NCAM2: variants seen among roughly 807,000 people sequenced by gnomAD.
NCAM2 encodes neural cell adhesion molecule 2.
A neutral mutation model predicts 98.1 loss-of-function variants in NCAM2; 30 were observed. The ratio of observed to expected loss-of-function variants is 0.31; its 90% confidence interval spans 0.23 to 0.41. The LOEUF (loss-of-function observed/expected upper bound fraction) is 0.41, where lower values mean the gene tolerates loss of function less well. Among genes scored for constraint, NCAM2 ranks in the 10% least tolerant of loss-of-function variants. NCAM2 has a pLI of 1.00. For missense variants in NCAM2, 867 were observed against 1,005.8 expected (o/e 0.86, Z 1.87); for synonymous variants, 368 against 342.4 (o/e 1.07, Z -0.83).
chr21:21,074,422 A>T (rs1408189563), intron 1 of NCAM2, among the ~76,000 whole-genome samples: 1 of 151,998 alleles, frequency 6.6e-6, no homozygotes, highest in African/African-American at 2.4e-5. Context: ...TTTATTTTAC[A>T]TTAATTACAT....
chr21:21,091,530 A>G (rs921052293), intron 1 of NCAM2, among the ~76,000 whole-genome samples: 6 of 152,146 alleles, frequency 3.9e-5, no homozygotes, highest in African/African-American at 1.4e-4. Context: ...GCAATTCACA[A>G]AAAAGGTTTA....
chr21:21,413,559 T>C (rs2145931374), intron 10 of NCAM2, among the ~76,000 whole-genome samples: 1 of 152,292 alleles, frequency 6.6e-6, no homozygotes, highest in Middle Eastern at 3.4e-3. Context: ...AGTAAATATC[T>C]CTATAAAGCC....
In NCAM2 at chr21:21,261,905, AT is replaced by A. The variant is rs542201020; in HGVS notation, c.56-18671del. The stretch of plus-strand genomic sequence containing the variant: ...CTGAGACCAAAAAATCATACAAAGA[AT>A]TAATGAAATAAAAAGTTAATTATTT... On this transcript the variant is annotated intron_variant, in intron 1 of 17. Transcript: ENST00000400546. Among the ~76,000 whole-genome samples, 706 of 152,260 alleles carry A rather than the reference AT, an allele frequency of 4.6e-3. 1 individual carries two copies. Among genetic ancestry groups the A allele is most frequent in the Admixed American group, 0.011 (163 of 15,282 alleles).
intron 1 of NCAM2, among the ~76,000 whole-genome samples, chr21:21,093,613 G>A (rs1301528762): frequency 6.6e-6 from 1 of 151,934 alleles, no homozygotes; most frequent in Non-Finnish European, 1.5e-5. Flanking sequence ...CCTTGTAACT[G>A]TCCACATCCA....
At chr21:21,225,566 T>C (rs1257328714) in intron 1 of NCAM2, among the ~76,000 whole-genome samples, 6 of 152,104 alleles carry the variant, frequency 3.9e-5, no homozygotes, top group African/African-American at 1.4e-4. Context: ...AAATAACTTA[T>C]TACAGGGGTC....
chr21:21,329,637 G>A (rs1210610482), intron 6 of NCAM2, among the ~76,000 whole-genome samples: 1 of 152,068 alleles, frequency 6.6e-6, no homozygotes, highest in Non-Finnish European at 1.5e-5. Context: ...TCATTTTCTT[G>A]TTCTTGACTT....
chr21:21,276,835 T>C (rs1312982629), intron 1 of NCAM2, among the ~76,000 whole-genome samples: 1 of 152,094 alleles, frequency 6.6e-6, no homozygotes, highest in Non-Finnish European at 1.5e-5. Flanking sequence ...TTGTGCCCAT[T>C]CACCAAAATG....
chr21:21,206,147 G>T (rs984761673), intron 1 of NCAM2, among the ~76,000 whole-genome samples: 2 of 152,138 alleles, frequency 1.3e-5, no homozygotes, highest in Admixed American at 6.5e-5. Flanking sequence ...TGAATGAAGA[G>T]TATTCAGAGT....
chr21:21,006,798 G>A (rs1601069589), intron 1 of NCAM2, among the ~76,000 whole-genome samples: 1 of 152,080 alleles, frequency 6.6e-6, no homozygotes, highest in East Asian at 1.9e-4. Context: ...AATGATGTTT[G>A]TTTTTTGTTT....
intron 1 of NCAM2, among the ~76,000 whole-genome samples, chr21:21,105,270 T>TTTAA (rs1337047385): frequency 6.6e-6 from 1 of 152,106 alleles, no homozygotes; most frequent in African/African-American, 2.4e-5. Flanking sequence ...AATTAATGGG[T>TTTAA]AGTAATCTGA....
At chr21:21,527,883 C>A (rs922452800) in intron 16 of NCAM2, among the ~76,000 whole-genome samples, 3 of 152,146 alleles carry the variant, frequency 2.0e-5, no homozygotes, top group Non-Finnish European at 4.4e-5. Flanking sequence ...ATGTCTACAC[C>A]AAAACCGCAC....
rs902267918 is a variant in NCAM2 at position 21,072,006 on chromosome 21, G to A, written c.55+73388G>A. ...CGGCTCACTGCAAGCTCCGCCTCCC[G>A]GGTTCACGCCATTCTCCTGCCTCAG... is the stretch of plus-strand genomic sequence containing the variant. On this transcript the variant is annotated intron_variant, in intron 1 of 17. Coordinates refer to ENST00000400546, the MANE Select transcript of NCAM2 (RefSeq NM_004540.5). 4.9e-4 allele frequency among the ~76,000 whole-genome samples: 73 copies of A among 148,750 alleles called. 1 individual carries two copies. Among genetic ancestry groups the A allele is most frequent in the Admixed American group, 3.9e-3 (59 of 15,080 alleles).
At chr21:21,432,651 C>G (rs192154389) in intron 12 of NCAM2, among the ~76,000 whole-genome samples, 6 of 151,662 alleles carry the variant, frequency 4.0e-5, no homozygotes. Flanking sequence ...GAAAATGATA[C>G]TGCAAAATGT....
intron 1 of NCAM2, among the ~76,000 whole-genome samples, chr21:21,059,550 G>T (rs977185975): frequency 6.6e-6 from 1 of 151,988 alleles, no homozygotes; most frequent in Non-Finnish European, 1.5e-5. Context: ...TTTATATTTG[G>T]AATATAATAG....
intron 6 of NCAM2, among the ~76,000 whole-genome samples, chr21:21,333,557 A>AG (rs2074773415): frequency 6.6e-6 from 1 of 152,222 alleles, no homozygotes; most frequent in African/African-American, 2.4e-5. Flanking sequence ...ATATGAAGTA[A>AG]GGAGATAACC....
intron 1 of NCAM2, among the ~76,000 whole-genome samples, chr21:21,094,193 G>A (rs944641002): frequency 1.3e-5 from 2 of 151,662 alleles, no homozygotes; most frequent in African/African-American, 4.8e-5. Context: ...ATCAGAACTT[G>A]AAAATTAAAA....
intron 1 of NCAM2, among the ~76,000 whole-genome samples, chr21:21,010,323 G>C (rs1486035756): frequency 3.3e-5 from 5 of 151,848 alleles, no homozygotes; most frequent in Admixed American, 2.6e-4. Flanking sequence ...GCTTATGAAG[G>C]CCTATGTGCT....
intron 1 of NCAM2, among the ~76,000 whole-genome samples, chr21:21,153,101 T>C (rs943246938): frequency 3.3e-5 from 5 of 151,888 alleles, no homozygotes; most frequent in Non-Finnish European, 7.4e-5. Context: ...ATTTCTGTTT[T>C]TTAGTTGTTT....
At chr21:21,132,394 C>CTT (rs10679055) in intron 1 of NCAM2, among the ~76,000 whole-genome samples, 131,331 of 149,502 alleles carry the variant, frequency 0.88, 58,096 homozygotes, top group Non-Finnish European at 0.94. Flanking sequence ...TCTGTAAAGT[C>CTT]TTTTTTTTTT....
Sources: gnomAD v4.1 joint callset for allele counts (sites outside exome capture counted in the v4.1 genomes callset) on GRCh38, gnomAD v4.1.1 for gene constraint, MANE v1.5 for transcripts, NCBI Gene and HGNC (gene_info 2026-07-23, HGNC 2026-07-21) for gene names.